The following LRBA variants were observed in gnomAD, a reference collection of about 807,000 sequenced individuals.
LRBA encodes the protein lipopolysaccharide-responsive and beige-like anchor protein.
Under a neutral mutation model 330.0 loss-of-function variants are expected in LRBA, and 176 were observed. The ratio of observed to expected loss-of-function variants is 0.53; its 90% confidence interval spans 0.47 to 0.60. The LOEUF is 0.60. Among genes scored for constraint, LRBA ranks in the 20% least tolerant of loss-of-function variants. LRBA has a pLI of 0.00. For missense variants in LRBA, 3,259 were observed against 3,444.8 expected (o/e 0.95, Z 1.35); for synonymous variants, 1,230 against 1,193.0 (o/e 1.03, Z -0.64).
intron 36 of LRBA, among the ~76,000 whole-genome samples, chr4:150,711,106 C>G (rs1036804393): frequency 5.9e-5 from 9 of 151,920 alleles, no homozygotes; most frequent in African/African-American, 2.2e-4. Flanking sequence ...ATTGCCTTAC[C>G]TGAATATCTT....
rs1227485313 is a variant in LRBA, at chr4:151,008,102, CAG to C, written c.216+6323_216+6324del. Among the ~76,000 whole-genome samples the C allele has an allele frequency of 1.0e-4, 15 of 147,572 alleles. No homozygotes were observed. In the East Asian group the frequency reaches 1.6e-3, roughly 16 times the overall value. ...TTCTTTTTTTTTTTTCTTTTTGAGACAGAGTTTCATTCTTGTTGCCCAGGCTG... is the reference window on the plus strand; with the variant it reads ...TTCTTTTTTTTTTTTCTTTTTGAGACAGTTTCATTCTTGTTGCCCAGGCTG... On this transcript the variant is annotated intron_variant, in intron 2 of 56. Coordinates refer to ENST00000651943, the MANE Select transcript of LRBA (RefSeq NM_001364905.1).
intron 34 of LRBA, among the ~76,000 whole-genome samples, chr4:150,772,020 CTTTT>C (rs1205599477): frequency 2.0e-5 from 3 of 152,162 alleles, no homozygotes; most frequent in Admixed American, 6.5e-5. Flanking sequence ...TTCCCCTAAA[CTTTT>C]TTTGTCAACA....
At position 150,844,085 on chromosome 4, in the gene LRBA, CA is replaced by C. The variant is rs764330485; in HGVS notation, c.4569+14del. ...ATCAGTTAAGAGAGTATGTGAAAGACATATTGTAACTTACTATGTCTCTGAA... is the reference window on the plus strand; with the variant it reads ...ATCAGTTAAGAGAGTATGTGAAAGACTATTGTAACTTACTATGTCTCTGAA... On this transcript the variant is annotated intron_variant, in intron 28 of 56. Coordinates refer to ENST00000651943, the MANE Select transcript of LRBA (RefSeq NM_001364905.1). 1 of 1,462,076 alleles carries C rather than the reference CA, an allele frequency of 6.8e-7. No individual in the cohort carries two copies. The highest frequency in any genetic ancestry group is 1.2e-5 in the South Asian group (1 of 85,646). 90.6% of individuals were successfully genotyped at this position (1,462,076 alleles called of 1,614,324 possible). A position where few individuals can be genotyped will look rare whatever the true frequency, so the allele number is the denominator to read the frequency against.
At chr4:150,940,239 TAA>T (rs11455731) in intron 2 of LRBA, among the ~76,000 whole-genome samples, 2 of 142,432 alleles carry the variant, frequency 1.4e-5, no homozygotes, top group African/African-American at 2.6e-5. Context: ...CCTGGTCTCT[TAA>T]AAAAAAAAAA....
In LRBA at chr4:150,636,485, G is replaced by A. The variant is rs72736355; in HGVS notation, c.5922-37354C>T. On this transcript the variant is annotated intron_variant, in intron 37 of 56. Coordinates refer to ENST00000651943, the MANE Select transcript of LRBA (RefSeq NM_001364905.1). ...ACATTCTAGCACAAAAAGGTGCTAT[G>A]AGCTCATCTTATAGTTTCCCTGCCA... Among the ~76,000 whole-genome samples, 244 of 152,192 alleles carry A rather than the reference G, an allele frequency of 1.6e-3. 1 individual carries two copies. The highest frequency in any genetic ancestry group is 3.7e-3 in the Admixed American group (56 of 15,286).
chr4:150,571,405 T>C (rs926887809), intron 40 of LRBA, among the ~76,000 whole-genome samples: 3 of 152,048 alleles, frequency 2.0e-5, no homozygotes, highest in Non-Finnish European at 4.4e-5. Flanking sequence ...TAAGAATCCA[T>C]AAGCCTCAAA....
intron 40 of LRBA, among the ~76,000 whole-genome samples, chr4:150,562,759 T>C (rs1768537963): frequency 6.6e-6 from 1 of 152,124 alleles, no homozygotes; most frequent in Non-Finnish European, 1.5e-5. Context: ...AATTATGTCT[T>C]ACTCATTTTC....
At chr4:150,943,952 C>G (rs1735953252) in intron 2 of LRBA, among the ~76,000 whole-genome samples, 1 of 152,164 alleles carries the variant, frequency 6.6e-6, no homozygotes, top group Non-Finnish European at 1.5e-5. Flanking sequence ...GATATTCAAG[C>G]AGCTCAGTGA....
At position 150,850,815 on chromosome 4, in the gene LRBA, G is replaced by T. The variant is rs868134041; in HGVS notation, c.3913C>A (p.Arg1305Ser). The T allele has an allele frequency of 3.7e-6, 6 of 1,613,644 alleles. No homozygotes were observed. Among genetic ancestry groups the T allele is most frequent in the Non-Finnish European group, 5.1e-6 (6 of 1,179,638 alleles). Residue 1305 changes from arginine (R) to serine (S), a missense_variant, in exon 24 of 57, where the codon CGT (arginine) becomes AGT (serine). Arg to Ser is a moderately radical substitution (Grantham distance 110). Transcript: ENST00000651943. ...QRRDSRSTVF[R>S]IPEFNWSQMH... Reference sequence around the variant, plus strand: ...TGAGACCAGTTGAACTCAGGAATACGAAACACAGTAGATCTGGAATCCCTC... The same window carrying T: ...TGAGACCAGTTGAACTCAGGAATACTAAACACAGTAGATCTGGAATCCCTC...
At chr4:150,747,097 C>T (rs1467825734) in intron 35 of LRBA, among the ~76,000 whole-genome samples, 1 of 152,140 alleles carries the variant, frequency 6.6e-6, no homozygotes, top group African/African-American at 2.4e-5. Flanking sequence ...AACTTTTATA[C>T]TCTAAGAACT....
At chr4:150,756,701 A>G (rs2126436213) in intron 35 of LRBA, among the ~76,000 whole-genome samples, 1 of 152,302 alleles carries the variant, frequency 6.6e-6, no homozygotes, top group Admixed American at 6.5e-5. Flanking sequence ...CACCACATCT[A>G]AATTTAGTAT....
At chr4:150,379,663 A>G (rs1322211391) in intron 47 of LRBA, among the ~76,000 whole-genome samples, 1 of 152,246 alleles carries the variant, frequency 6.6e-6, no homozygotes, top group Non-Finnish European at 1.5e-5. Flanking sequence ...AACTCATAGC[A>G]TACATCCTGA....
At chr4:150,368,787 G>T (rs981329957) in intron 47 of LRBA, among the ~76,000 whole-genome samples, 1 of 152,142 alleles carries the variant, frequency 6.6e-6, no homozygotes, top group African/African-American at 2.4e-5. Context: ...ATTCTAAAAA[G>T]AGCTTCTTCT....
At chr4:150,717,498 A>C (rs987721480) in intron 36 of LRBA, among the ~76,000 whole-genome samples, 4 of 151,654 alleles carry the variant, frequency 2.6e-5, no homozygotes, top group Non-Finnish European at 4.4e-5. Context: ...CTCTACAAAA[A>C]ACAAAACAAA....
chr4:150,483,791 TTTTTAAG>T (rs1757568909), intron 42 of LRBA, among the ~76,000 whole-genome samples: 1 of 152,098 alleles, frequency 6.6e-6, no homozygotes, highest in Admixed American at 6.6e-5. Flanking sequence ...CAATTCTCCA[TTTTTAAG>T]TTTTAATTCT....
At chr4:150,272,711 A>G (rs1252500820) in intron 56 of LRBA, among the ~76,000 whole-genome samples, 2 of 151,856 alleles carry the variant, frequency 1.3e-5, no homozygotes, top group Non-Finnish European at 2.9e-5. Context: ...AAGAAAGGAT[A>G]TCAGAGATTG....
At chr4:150,414,159 C>T (rs938643814) in intron 47 of LRBA, among the ~76,000 whole-genome samples, 1 of 152,078 alleles carries the variant, frequency 6.6e-6, no homozygotes, top group African/African-American at 2.4e-5. Context: ...AATGAAAAAA[C>T]CAAAGCTCAG....
In LRBA at chr4:150,306,900, C is replaced by T. The variant is rs1449022782; in HGVS notation, c.7849+3329G>A. 4.6e-5 allele frequency among the ~76,000 whole-genome samples: 7 copies of T among 151,944 alleles called. No individual in the cohort carries two copies. The East Asian group carries it at 5.8e-4, about 13-fold the overall frequency. ...TCACTATTAGCTACATACATTTCAACGAATTACATAATCTCTCTAAACCTC... is the reference window on the plus strand; with the variant it reads ...TCACTATTAGCTACATACATTTCAATGAATTACATAATCTCTCTAAACCTC... On this transcript the variant is annotated intron_variant, in intron 52 of 56. Transcript: ENST00000651943.
At chr4:151,002,302 C>T (rs921597992) in intron 2 of LRBA, among the ~76,000 whole-genome samples, 4 of 150,472 alleles carry the variant, frequency 2.7e-5, no homozygotes, top group African/African-American at 9.8e-5. Flanking sequence ...CACGGTAGCT[C>T]ATGCCTGTAA....
Sources: allele counts gnomAD v4.1 joint callset (sites outside exome capture counted in the v4.1 genomes callset), GRCh38; gene constraint gnomAD v4.1.1; transcripts MANE v1.5; gene names NCBI Gene and HGNC (gene_info 2026-07-23, HGNC 2026-07-21).